ZNF347: variants seen among roughly 807,000 people sequenced by gnomAD.
ZNF347 encodes zinc finger protein 347, also known as CTD-2620I22.7.
Under a neutral mutation model 12.9 loss-of-function variants are expected in ZNF347, and 19 were observed. The observed-to-expected ratio is 1.47, with a 90% CI of 1.03 to 2.16. ZNF347 has a LOEUF of 2.16. Ranked by LOEUF, ZNF347 falls within the 30% of genes most tolerant of loss-of-function variation. The probability of loss-of-function intolerance (pLI) is 0.00; values close to 1 mark genes in which losing one functional copy is unlikely to be tolerated. For missense variants in ZNF347, 1,005 were observed against 990.6 expected, an observed-to-expected ratio of 1.01 and a Z score of -0.19; for synonymous variants, 328 against 340.6, an observed-to-expected ratio of 0.96 and a Z score of 0.41.
In ZNF347 at chr19:53,142,012, T is replaced by A. The variant is rs954746588; in HGVS notation, c.816A>T (p.Gln272His). ...TCTGATGACTTGCAAGGTGTGAATT[T>A]TGAGGAAAGACCATGCCACATCCAT... ...KSNGCGMVFP[Q>H]NSHLASHQRS... The change falls in exon 5 of 5, where the codon CAA becomes CAT. Residue 272 changes from glutamine (Q) to histidine (H), a missense_variant. Gln to His is a conservative substitution (Grantham distance 24). Coordinates refer to ENST00000334197, the MANE Select transcript of ZNF347 (RefSeq NM_032584.3). 6.2e-7 allele frequency: 1 copy of A among 1,614,144 alleles called. No homozygotes were observed.
At chr19:53,152,435 T>C (rs1373105815) in intron 2 of ZNF347, among the ~76,000 whole-genome samples, 1 of 151,336 alleles carries the variant, frequency 6.6e-6, no homozygotes, top group African/African-American at 2.4e-5. Flanking sequence ...GGTGAAACCT[T>C]GTCTCTACTA....
chr19:53,139,292 C>G lies in ZNF347; in HGVS notation c.*1016G>C, dbSNP rs2090404565. 6.6e-6 allele frequency: 1 copy of G among 152,180 alleles called. No individual in the cohort carries two copies. The highest frequency in any genetic ancestry group is 1.5e-5 in the Non-Finnish European group (1 of 68,038). 9.4% of individuals were successfully genotyped at this position (152,180 alleles called of 1,614,324 possible). The stretch of plus-strand genomic sequence containing the variant: ...ATTTTCTGCCCCAAAACCATGGTCT[C>G]TCAATTGAGAGAATATTTAATTTTA... On this transcript the variant is annotated 3_prime_UTR_variant, in exon 5 of 5. Coordinates refer to ENST00000334197, the MANE Select transcript of ZNF347 (RefSeq NM_032584.3).
Position 53,142,560 on chromosome 19 carries a change from C to G in ZNF347, c.272-4G>C, listed in dbSNP as rs1221850175. ...ATTACAAATTCGGAAGAGAGAGCTA[C>G]AAGATATAAAGATCCATAGGTTTCC... On this transcript the variant is annotated splice_region_variant and splice_polypyrimidine_tract_variant and intron_variant, in intron 4 of 4. Coordinates refer to ENST00000334197, the MANE Select transcript of ZNF347 (RefSeq NM_032584.3). The G allele has an allele frequency of 6.4e-7, 1 of 1,562,250 alleles. No homozygotes were observed. Among genetic ancestry groups the G allele is most frequent in the East Asian group, 2.3e-5 (1 of 44,342 alleles).
chr19:53,139,508 T>C lies in ZNF347; in HGVS notation c.*800A>G, dbSNP rs1397924587. ...AGCCTTTTTGAGAAACCTCAAACAATGGAATAAAAGATTTTATAACCTGAA... is the reference window on the plus strand; with the variant it reads ...AGCCTTTTTGAGAAACCTCAAACAACGGAATAAAAGATTTTATAACCTGAA... On this transcript the variant is annotated 3_prime_UTR_variant, in exon 5 of 5. Transcript: ENST00000334197. 3 of 152,186 alleles carry C rather than the reference T, an allele frequency of 2.0e-5. No homozygotes were observed. In the East Asian group the frequency reaches 5.8e-4, roughly 29 times the overall value. The allele number at this position is 152,186 out of a possible 1,614,324, so 9.4% of individuals were successfully genotyped here.
chr19:53,156,815 A>C (rs1448512102), intron 1 of ZNF347, among the ~76,000 whole-genome samples: 1 of 152,132 alleles, frequency 6.6e-6, no homozygotes, highest in Non-Finnish European at 1.5e-5. Context: ...ATTTCGTGGA[A>C]CTGAGCCTCA....
At position 53,148,781 on chromosome 19, in the gene ZNF347, G is replaced by T; in HGVS notation, c.171C>A (p.Ile57=). The T allele has an allele frequency of 6.2e-7, 1 of 1,613,888 alleles. No homozygotes were observed. Among genetic ancestry groups the T allele is most frequent in the Non-Finnish European group, 8.5e-7 (1 of 1,179,926 alleles). The change falls in exon 4 of 5, where the codon ATC becomes ATA. Residue 57 remains isoleucine, a synonymous_variant. Coordinates refer to ENST00000334197, the MANE Select transcript of ZNF347 (RefSeq NM_032584.3). ...GCTCCTTCCCTTGCTCCAACATAGA[G>T]ATAATACTGAGGTCAAAACAAGAGA... ...LGISCFDLSI[I]SMLEQGKEPF...
In ZNF347 at chr19:53,135,134, C is replaced by T. The variant is rs889150860; in HGVS notation, c.*5174G>A. ...AACCAGACAACATGGATTCAAATCT[C>T]GATTCTGCCTCTTACTGAAATGTGA... On this transcript the variant is annotated 3_prime_UTR_variant, in exon 5 of 5. Coordinates refer to ENST00000334197, the MANE Select transcript of ZNF347 (RefSeq NM_032584.3). 5.3e-5 allele frequency: 8 copies of T among 151,752 alleles called. No homozygotes were observed. The highest frequency in any genetic ancestry group is 1.7e-4 in the African/African-American group (7 of 41,282). 9.4% of individuals were successfully genotyped at this position (151,752 alleles called of 1,614,324 possible).
At chr19:53,144,188 T>C (rs920410667) in intron 4 of ZNF347, among the ~76,000 whole-genome samples, 12 of 152,298 alleles carry the variant, frequency 7.9e-5, no homozygotes, top group Non-Finnish European at 1.6e-4. Context: ...AGAGGCCTGC[T>C]GAATGGATTA....
rs918676479 is a variant in ZNF347 at position 53,135,211 on chromosome 19, G to A, written c.*5097C>T. 3.3e-5 allele frequency: 5 copies of A among 151,214 alleles called. No individual in the cohort carries two copies. Among genetic ancestry groups the A allele is most frequent in the African/African-American group, 9.7e-5 (4 of 41,036 alleles). The allele number at this position is 151,214 out of a possible 1,614,324, so 9.4% of individuals were successfully genotyped here. ...TGCTGAGATCTGAGATTTGATGGAT[G>A]GTGATGTTGGAAATCTTTTTATGTG... On this transcript the variant is annotated 3_prime_UTR_variant, in exon 5 of 5. Transcript: ENST00000334197.
Position 53,137,807 on chromosome 19 carries a change from ATTTT to A in ZNF347, c.*2497_*2500del, listed in dbSNP as rs903847376. The A allele has an allele frequency of 2.0e-5, 3 of 148,944 alleles. No homozygotes were observed. The East Asian group carries it at 5.9e-4, about 29-fold the overall frequency. The allele number at this position is 148,944 out of a possible 1,614,324, so 9.2% of individuals were successfully genotyped here. Reference sequence around the variant, plus strand: ...ATTCTGCACTATTTATAATTTCATAATTTTTTTTTTTGAGACGGAGTCTCACTTT... The same window carrying A: ...ATTCTGCACTATTTATAATTTCATAATTTTTTTGAGACGGAGTCTCACTTT... On this transcript the variant is annotated 3_prime_UTR_variant, in exon 5 of 5. Transcript: ENST00000334197.
chr19:53,153,610 G>A (rs1290070109), intron 2 of ZNF347, 123 bp downstream of exon 2: 15 of 1,456,864 alleles, frequency 1.0e-5, no homozygotes, highest in Non-Finnish European at 1.3e-5. Flanking sequence ...GGGAAGGCAC[G>A]CGTAAGTGCG....
At chr19:53,144,386 A>T (rs990884202) in intron 4 of ZNF347, among the ~76,000 whole-genome samples, 22 of 152,204 alleles carry the variant, frequency 1.4e-4, no homozygotes, top group Non-Finnish European at 1.5e-5. Context: ...CAAAGTCAGT[A>T]TATAATGAGA....
At position 53,134,948 on chromosome 19, in the gene ZNF347, A is replaced by G. The variant is rs1440099774; in HGVS notation, c.*5360T>C. On this transcript the variant is annotated 3_prime_UTR_variant, in exon 5 of 5. Transcript: ENST00000334197. ...ATATAGACTTAATTGATCTATAAAA[A>G]TATAGATTTAATACAAAGTTACCAC... 6.6e-6 allele frequency: 1 copy of G among 152,238 alleles called. No individual in the cohort carries two copies. Among genetic ancestry groups the G allele is most frequent in the East Asian group, 1.9e-4 (1 of 5,192 alleles). 9.4% of individuals were successfully genotyped at this position (152,238 alleles called of 1,614,324 possible).
intron 2 of ZNF347, among the ~76,000 whole-genome samples, chr19:53,152,388 C>G (rs530141160): frequency 5.3e-5 from 8 of 151,872 alleles, no homozygotes; most frequent in Non-Finnish European, 1.0e-4. Context: ...GGGCTGATCA[C>G]TTCAGGTCAA....
chr19:53,149,521 T>C (rs898950391), intron 2 of ZNF347, 154 bp from the exon 3 acceptor site: 5 of 1,385,110 alleles, frequency 3.6e-6, no homozygotes, highest in Non-Finnish European at 9.6e-7. Flanking sequence ...CCCCCTTTCC[T>C]GACATACATC....
chr19:53,152,177 C>G (rs2090503027), intron 2 of ZNF347, among the ~76,000 whole-genome samples: 1 of 150,784 alleles, frequency 6.6e-6, no homozygotes. Flanking sequence ...GTAATAACAA[C>G]AGTGAAAAGG....
intron 3 of ZNF347, 68 bp from the exon 4 acceptor site, chr19:53,148,877 G>A: frequency 6.4e-7 from 1 of 1,552,886 alleles, no homozygotes; most frequent in East Asian, 2.3e-5. Context: ...ATGTTTACAT[G>A]AGGAGGGAGG....
At chr19:53,144,389 T>C (rs879550988) in intron 4 of ZNF347, among the ~76,000 whole-genome samples, 2 of 152,072 alleles carry the variant, frequency 1.3e-5, no homozygotes, top group Non-Finnish European at 2.9e-5. Flanking sequence ...AGTCAGTATA[T>C]AATGAGAAAA....
intron 4 of ZNF347, among the ~76,000 whole-genome samples, chr19:53,144,591 C>T (rs1057123303): frequency 6.6e-6 from 1 of 152,174 alleles, no homozygotes; most frequent in South Asian, 2.1e-4. Context: ...AAATATACTG[C>T]AGACTAAATG....
Sources: gnomAD v4.1 joint callset for allele counts (sites outside exome capture counted in the v4.1 genomes callset) on GRCh38, gnomAD v4.1.1 for gene constraint, MANE v1.5 for transcripts, NCBI Gene and HGNC (gene_info 2026-07-23, HGNC 2026-07-21) for gene names.